The following DLGAP4 variants were observed in gnomAD, a reference collection of about 807,000 sequenced individuals.
The protein encoded by DLGAP4 is disks large-associated protein 4.
A neutral mutation model predicts 86.9 loss-of-function variants in DLGAP4; 18 were observed. The observed-to-expected ratio is 0.21, with a 90% CI of 0.14 to 0.31. The LOEUF is 0.31. DLGAP4 is among the 10% of genes least tolerant of loss of function. The probability of loss-of-function intolerance (pLI) is 1.00; values close to 1 mark genes in which losing one functional copy is unlikely to be tolerated. For synonymous variants in DLGAP4, 548 were observed against 574.3 expected, an observed-to-expected ratio of 0.95 and a Z score of 0.65; for missense variants, 1,085 against 1,362.6, an observed-to-expected ratio of 0.80 and a Z score of 3.21.
At chr20:36,523,359 G>T (rs1430740274) in intron 10 of DLGAP4, among the ~76,000 whole-genome samples, 3 of 152,196 alleles carry the variant, frequency 2.0e-5, no homozygotes, top group African/African-American at 7.2e-5. Context: ...GGGTTAAAGA[G>T]ACTTCTCGAT....
chr20:36,527,285 G>A lies in DLGAP4; in HGVS notation c.*254G>A, dbSNP rs912874356. On this transcript the variant is annotated 3_prime_UTR_variant, in exon 13 of 13. Coordinates refer to ENST00000339266, the MANE Select transcript of DLGAP4 (RefSeq NM_001365621.2). Reference sequence around the variant, plus strand: ...AGAAAACTTTTTTTTTCCTCTTGCTGGCCGTGGTGGACTAGATAGATGGAC... The same window carrying A: ...AGAAAACTTTTTTTTTCCTCTTGCTAGCCGTGGTGGACTAGATAGATGGAC... 1.1e-5 allele frequency: 4 copies of A among 368,362 alleles called. No individual in the cohort carries two copies. Among genetic ancestry groups the A allele is most frequent in the Admixed American group, 8.6e-5 (2 of 23,248 alleles). The allele number at this position is 368,362 out of a possible 1,614,324, so 22.8% of individuals were successfully genotyped here.
chr20:36,407,337 C>T (rs2032353237), intron 2 of DLGAP4, among the ~76,000 whole-genome samples: 4 of 152,080 alleles, frequency 2.6e-5, no homozygotes, highest in Admixed American at 2.6e-4. Context: ...GAATGGTGTT[C>T]CCCTTTAAAA....
At chr20:36,325,810 C>T (rs1355910847) in intron 1 of DLGAP4, among the ~76,000 whole-genome samples, 9 of 151,862 alleles carry the variant, frequency 5.9e-5, no homozygotes, top group African/African-American at 1.7e-4. Flanking sequence ...CTCTACCTCC[C>T]GGGTTCAAGC....
chr20:36,515,414 C>T (rs2036979573), intron 10 of DLGAP4, among the ~76,000 whole-genome samples: 1 of 152,136 alleles, frequency 6.6e-6, no homozygotes, highest in Admixed American at 6.6e-5. Flanking sequence ...CTTTCACTGT[C>T]CTTATTAATC....
intron 1 of DLGAP4, among the ~76,000 whole-genome samples, chr20:36,329,463 G>A (rs1457364134): frequency 2.0e-5 from 3 of 152,182 alleles, no homozygotes; most frequent in Non-Finnish European, 4.4e-5. Flanking sequence ...AAGATATTCA[G>A]CTTAGGGCCA....
At chr20:36,403,639 G>A (rs1331306285) in intron 2 of DLGAP4, among the ~76,000 whole-genome samples, 1 of 152,214 alleles carries the variant, frequency 6.6e-6, no homozygotes, top group East Asian at 1.9e-4. Flanking sequence ...TGTTTCCAGA[G>A]GAAATTTGTA....
At chr20:36,398,478 A>G (rs1224923420) in intron 2 of DLGAP4, among the ~76,000 whole-genome samples, 1 of 152,206 alleles carries the variant, frequency 6.6e-6, no homozygotes, top group Admixed American at 6.5e-5. Flanking sequence ...TGGAGGTGGC[A>G]GGGTCAAAGG....
In DLGAP4 at chr20:36,496,954, C is replaced by T. The variant is rs748090818; in HGVS notation, c.1898C>T (p.Pro633Leu). ...GGAGTCGCCCCAGCCCCTGAGGCCC[C>T]AGAGCCACCCCCAAAACATGCAGCT... ...RGGVAPAPEA[P>L]EPPPKHAALK... The change falls in exon 8 of 13, where the codon CCA (proline) becomes CTA (leucine). Residue 633 changes from proline to leucine, a missense_variant. Pro to Leu is a moderately conservative substitution (Grantham distance 98). Around this residue, in one of 2 missense-constraint regions of DLGAP4, gnomAD observed 1,082 missense variants for 1,344.1 expected, o/e 0.81. Coordinates refer to ENST00000339266, the MANE Select transcript of DLGAP4 (RefSeq NM_001365621.2). 4.3e-6 allele frequency: 7 copies of T among 1,614,186 alleles called. No homozygotes were observed. In the South Asian group the frequency reaches 7.7e-5, roughly 18 times the overall value.
At chr20:36,488,231 C>T (rs990645015) in intron 7 of DLGAP4, among the ~76,000 whole-genome samples, 1 of 151,030 alleles carries the variant, frequency 6.6e-6, no homozygotes, top group Non-Finnish European at 1.5e-5. Flanking sequence ...GTTAGTGCAG[C>T]AGAGGGGCCA....
At chr20:36,469,837 G>A (rs2147658375) in intron 7 of DLGAP4, among the ~76,000 whole-genome samples, 1 of 152,134 alleles carries the variant, frequency 6.6e-6, no homozygotes, top group South Asian at 2.1e-4. Context: ...CTCAGCAGAA[G>A]GCCATCTGCT....
At position 36,477,257 on chromosome 20, in the gene DLGAP4, G is replaced by A. The variant is rs140135165; in HGVS notation, c.1649-19448G>A. On this transcript the variant is annotated intron_variant, in intron 7 of 12. Transcript: ENST00000339266. ...ATTACAGGCACCCGCCACCACGCCCGGCTAATTTTTGCATTTTCAGTAGAG... is the reference window on the plus strand; with the variant it reads ...ATTACAGGCACCCGCCACCACGCCCAGCTAATTTTTGCATTTTCAGTAGAG... 4.6e-3 allele frequency among the ~76,000 whole-genome samples: 692 copies of A among 151,662 alleles called. 5 individuals carry two copies. Among genetic ancestry groups the A allele is most frequent in the African/African-American group, 0.015 (609 of 41,380 alleles).
chr20:36,416,303 G>T (rs1004957239), intron 2 of DLGAP4, among the ~76,000 whole-genome samples: 1 of 152,160 alleles, frequency 6.6e-6, no homozygotes, highest in African/African-American at 2.4e-5. Flanking sequence ...TGTATTTTTA[G>T]TATAGACAGG....
At chr20:36,428,141 A>G (rs146212265) in intron 2 of DLGAP4, among the ~76,000 whole-genome samples, 117 of 152,322 alleles carry the variant, frequency 7.7e-4, no homozygotes, top group African/African-American at 2.7e-3. Context: ...TGCTGAACCC[A>G]GCTTTAGCAG....
At chr20:36,518,412 TTTCTC>T (rs1467565003) in intron 10 of DLGAP4, among the ~76,000 whole-genome samples, 2 of 152,342 alleles carry the variant, frequency 1.3e-5, no homozygotes, top group East Asian at 3.9e-4. Context: ...TTTTTATTAA[TTTCTC>T]TTCTCTTTGG....
chr20:36,461,325 C>T (rs2034032298), intron 7 of DLGAP4: 1 of 388,670 alleles, frequency 2.6e-6, no homozygotes, highest in Non-Finnish European at 3.5e-6. Flanking sequence ...AGCCCGGCTG[C>T]GCGCGCCGGG....
intron 7 of DLGAP4, among the ~76,000 whole-genome samples, chr20:36,451,970 G>A (rs900936786): frequency 6.6e-6 from 1 of 151,862 alleles, no homozygotes; most frequent in Non-Finnish European, 1.5e-5. Flanking sequence ...CTGTAGGTCA[G>A]GTTGGTCTCA....
intron 7 of DLGAP4, among the ~76,000 whole-genome samples, chr20:36,456,073 G>A (rs549592722): frequency 5.3e-5 from 8 of 152,176 alleles, no homozygotes; most frequent in African/African-American, 1.7e-4. Context: ...CCATCGATTC[G>A]CGATGTCTAC....
intron 7 of DLGAP4, among the ~76,000 whole-genome samples, chr20:36,467,057 T>TCCCC (rs2034434003): frequency 1.6e-4 from 14 of 87,436 alleles, no homozygotes; most frequent in African/African-American, 6.6e-4. Flanking sequence ...TCTCTCTCTC[T>TCCCC]CTCTCTCCCC....
At chr20:36,487,358 A>C (rs1039727356) in intron 7 of DLGAP4, among the ~76,000 whole-genome samples, 5 of 152,102 alleles carry the variant, frequency 3.3e-5, no homozygotes, top group Non-Finnish European at 7.4e-5. Flanking sequence ...GTGCACTGTA[A>C]AATTATCTGC....
Sources: allele counts gnomAD v4.1 joint callset (sites outside exome capture counted in the v4.1 genomes callset), GRCh38; gene constraint gnomAD v4.1.1; regional missense constraint gnomAD v4.1.1; transcripts MANE v1.5; gene names NCBI Gene and HGNC (gene_info 2026-07-23, HGNC 2026-07-21).